AOPEP: variants seen among roughly 807,000 people sequenced by gnomAD.
The protein encoded by AOPEP is aminopeptidase O.
In AOPEP, 77 loss-of-function variants were observed where a neutral mutation model predicts 98.1. That is an observed-to-expected ratio of 0.78 (90% confidence interval 0.65 to 0.95). AOPEP has a LOEUF of 0.95. Ranked by LOEUF, AOPEP falls within the 40% of genes least tolerant of loss-of-function variation. The probability of loss-of-function intolerance (pLI) is 0.00; values close to 1 mark genes in which losing one functional copy is unlikely to be tolerated. For synonymous variants in AOPEP, 346 were observed against 365.3 expected (o/e 0.95, Z 0.60); for missense variants, 1,024 against 1,024.7 (o/e 1.00, Z 0.01).
At chr9:94,772,266 T>C (rs959151130) in intron 2 of AOPEP, among the ~76,000 whole-genome samples, 1 of 152,260 alleles carries the variant, frequency 6.6e-6, no homozygotes, top group Admixed American at 6.5e-5. Context: ...TGAGAATCTT[T>C]ATCTTTGTCA....
intron 5 of AOPEP, among the ~76,000 whole-genome samples, chr9:94,891,459 G>A (rs900428098): frequency 2.0e-5 from 3 of 152,016 alleles, no homozygotes; most frequent in African/African-American, 7.2e-5. Context: ...TTTTATGCTT[G>A]TTTTGTTATT....
chr9:95,093,522 C>T, the AOPEP span, among the ~76,000 whole-genome samples: 2 of 152,160 alleles, frequency 1.3e-5, no homozygotes, highest in African/African-American at 4.8e-5. Flanking sequence ...AAAGAGTCTT[C>T]CTTTGCATAC....
intron 14 of AOPEP, among the ~76,000 whole-genome samples, chr9:95,066,640 A>G (rs890306138): frequency 3.9e-5 from 6 of 152,104 alleles, no homozygotes; most frequent in Non-Finnish European, 5.9e-5. Context: ...CAGTGGGCCC[A>G]CTGTTACCGA....
chr9:94,842,104 G>A (rs1432030464), intron 5 of AOPEP, among the ~76,000 whole-genome samples: 2 of 152,122 alleles, frequency 1.3e-5, no homozygotes, highest in African/African-American at 4.8e-5. Flanking sequence ...TCTCACACCT[G>A]TAATCCCAGC....
chr9:94,952,633 C>T (rs2058182444), intron 7 of AOPEP, among the ~76,000 whole-genome samples: 1 of 152,232 alleles, frequency 6.6e-6, no homozygotes, highest in South Asian at 2.1e-4. Flanking sequence ...TCTCTCTACG[C>T]AGACCTGGTA....
chr9:94,945,070 A>T (rs550193871), intron 7 of AOPEP, among the ~76,000 whole-genome samples: 8 of 152,198 alleles, frequency 5.3e-5, no homozygotes, highest in Non-Finnish European at 1.2e-4. Context: ...TTTGGATGAG[A>T]CCCACGGGGC....
At chr9:95,141,724 G>A in the AOPEP span, among the ~76,000 whole-genome samples, 54 of 152,116 alleles carry the variant, frequency 3.5e-4, no homozygotes, top group Admixed American at 3.0e-3. Flanking sequence ...CATAACAGAC[G>A]AGTAAACTAC....
At chr9:94,914,854 G>T (rs1170351329) in intron 5 of AOPEP, among the ~76,000 whole-genome samples, 1 of 152,200 alleles carries the variant, frequency 6.6e-6, no homozygotes, top group African/African-American at 2.4e-5. Flanking sequence ...CTCTCTTGGG[G>T]TGAGGCCCAG....
chr9:94,856,641 TAAAAAA>T (rs35234682), intron 5 of AOPEP, among the ~76,000 whole-genome samples: 1 of 128,586 alleles, frequency 7.8e-6, no homozygotes, highest in African/African-American at 3.0e-5. Flanking sequence ...AACTCCGTCT[TAAAAAA>T]AAAAAAAAAA....
intron 13 of AOPEP, among the ~76,000 whole-genome samples, chr9:95,012,984 T>A (rs2062660863): frequency 9.8e-6 from 1 of 101,582 alleles, no homozygotes; most frequent in East Asian, 4.3e-4. Flanking sequence ...CCTGTTTTTT[T>A]TTTGGGGGGG....
At chr9:95,137,958 G>A in the AOPEP span, among the ~76,000 whole-genome samples, 4 of 152,280 alleles carry the variant, frequency 2.6e-5, no homozygotes, top group African/African-American at 4.8e-5. Flanking sequence ...GAGGACTGGC[G>A]GTAACGGGAG....
At chr9:94,778,194 G>T (rs1221321235) in intron 3 of AOPEP, among the ~76,000 whole-genome samples, 3 of 152,156 alleles carry the variant, frequency 2.0e-5, no homozygotes, top group Non-Finnish European at 2.9e-5. Flanking sequence ...TACATTGCTG[G>T]TGAGAGTATG....
the AOPEP span, chr9:95,125,176 G>C: frequency 1.7e-5 from 28 of 1,614,022 alleles, no homozygotes; most frequent in East Asian, 6.2e-4. Context: ...CGGTTTCCAG[G>C]AGTGCACACC....
intron 13 of AOPEP, among the ~76,000 whole-genome samples, chr9:95,013,427 T>C (rs2062725478): frequency 6.7e-6 from 1 of 148,422 alleles, no homozygotes; most frequent in Admixed American, 6.8e-5. Flanking sequence ...TTTTACTTCC[T>C]GTAAATACCT....
Position 94,801,080 on chromosome 9 carries a change from T to C in AOPEP, c.1364+78T>C. The C allele has an allele frequency of 6.2e-6, 9 of 1,441,414 alleles. No homozygotes were observed. The East Asian group carries it at 1.1e-4, about 18-fold the overall frequency. 89.3% of individuals were successfully genotyped at this position (1,441,414 alleles called of 1,614,324 possible). A position where few individuals can be genotyped will look rare whatever the true frequency, so the allele number is the denominator to read the frequency against. The stretch of plus-strand genomic sequence containing the variant: ...ACTATGTCTTGCTTTCCTTGAGCTC[T>C]GTCAGAGCAGTCATTTGATTAGAAT... On this transcript the variant is annotated intron_variant, in intron 5 of 16. Coordinates refer to ENST00000375315, the MANE Select transcript of AOPEP (RefSeq NM_001193329.3).
In AOPEP at chr9:95,005,587, C is replaced by T. The variant is rs1195944356; in HGVS notation, c.2086C>T (p.Arg696Cys). 2 of 1,613,878 alleles carry T rather than the reference C, an allele frequency of 1.2e-6. No individual in the cohort carries two copies. Among genetic ancestry groups the T allele is most frequent in the Admixed American group, 1.7e-5 (1 of 60,000 alleles). The change falls in exon 13 of 17, where the codon CGC becomes TGC. Residue 696 changes from arginine (R) to cysteine (C), a missense_variant. Arg to Cys is a radical substitution (Grantham distance 180). Around this residue, in one of 3 missense-constraint regions of AOPEP, gnomAD observed 566 missense variants for 551.7 expected, o/e 1.03. Coordinates refer to ENST00000375315, the MANE Select transcript of AOPEP (RefSeq NM_001193329.3). ...GAACCGGAGACCCCGAAAACGGAAG[C>T]GCAGGGAGAAGGAAGAGGTGTTTGA... ...GVNRRPRKRKRREKEEVFEKL... is the reference protein window; with the variant it reads ...GVNRRPRKRKCREKEEVFEKL...
chr9:95,051,206 C>T (rs2066329094), intron 13 of AOPEP, among the ~76,000 whole-genome samples: 1 of 151,650 alleles, frequency 6.6e-6, no homozygotes, highest in Admixed American at 6.6e-5. Flanking sequence ...TCTTCTGCCT[C>T]AGCCTCCCGA....
intron 1 of AOPEP, among the ~76,000 whole-genome samples, chr9:94,743,730 G>A (rs563497536): frequency 6.6e-5 from 10 of 152,108 alleles, no homozygotes; most frequent in South Asian, 2.1e-4. Context: ...GAGTGGACCC[G>A]GGGGTGAGGA....
intron 13 of AOPEP, among the ~76,000 whole-genome samples, chr9:95,030,334 TA>T (rs145294838): frequency 1.2e-3 from 183 of 152,348 alleles, no homozygotes; most frequent in Non-Finnish European, 2.2e-3. Context: ...GGCTACTTTT[TA>T]AAAAAATAAT....
Sources: allele counts gnomAD v4.1 joint callset (sites outside exome capture counted in the v4.1 genomes callset), GRCh38; gene constraint gnomAD v4.1.1; regional missense constraint gnomAD v4.1.1; transcripts MANE v1.5; gene names NCBI Gene and HGNC (gene_info 2026-07-23, HGNC 2026-07-21).